IQANK1: variants seen among roughly 807,000 people sequenced by gnomAD.
IQANK1 encodes the protein IQ motif and ankyrin repeat containing 1, also known as IQ motif and ankyrin repeat domain-containing protein 1.
Under a neutral mutation model 22.6 loss-of-function variants are expected in IQANK1, and 30 were observed. The observed-to-expected ratio is 1.33, with a 90% CI of 0.99 to 1.80. IQANK1 has a LOEUF of 1.80. Ranked by LOEUF, IQANK1 falls within the 40% of genes most tolerant of loss-of-function variation. The pLI, the probability that IQANK1 is intolerant of heterozygous loss-of-function variation, is 0.00. For synonymous variants in IQANK1, 122 were observed against 99.6 expected, an observed-to-expected ratio of 1.23 and a Z score of -1.34; for missense variants, 275 against 235.2, an observed-to-expected ratio of 1.17 and a Z score of -1.11.
chr8:143,754,180 GA>G (rs1819245954), intron 3 of IQANK1, among the ~76,000 whole-genome samples: 1 of 152,234 alleles, frequency 6.6e-6, no homozygotes, highest in Admixed American at 6.5e-5. Flanking sequence ...ACTTCAGCCA[GA>G]GGGGGAGGGG....
intron 7 of IQANK1, among the ~76,000 whole-genome samples, chr8:143,785,898 TG>T (rs1406106307): frequency 1.3e-5 from 2 of 152,156 alleles, no homozygotes; most frequent in Non-Finnish European, 2.9e-5. Flanking sequence ...GGCTAATTTT[TG>T]TATTTTTAGT....
Position 143,790,131 on chromosome 8 carries a change from C to G in IQANK1, c.1290-6C>G. 1 of 1,232,032 alleles carries G rather than the reference C, an allele frequency of 8.1e-7. No individual in the cohort carries two copies. Among genetic ancestry groups the G allele is most frequent in the Non-Finnish European group, 1.0e-6 (1 of 987,974 alleles). 76.3% of individuals were successfully genotyped at this position (1,232,032 alleles called of 1,614,324 possible). A position where few individuals can be genotyped will look rare whatever the true frequency, so the allele number is the denominator to read the frequency against. On this transcript the variant is annotated splice_region_variant and splice_polypyrimidine_tract_variant and intron_variant, in intron 12 of 13. Transcript: ENST00000527139. Reference sequence around the variant, plus strand: ...CAGACAGCAGTGACCTGATGGGTGTCCCCAGGTGGCCTCTTGTTATTGACC... The same window carrying G: ...CAGACAGCAGTGACCTGATGGGTGTGCCCAGGTGGCCTCTTGTTATTGACC...
chr8:143,743,871 C>T, intron 3 of IQANK1: 2 of 426,706 alleles, frequency 4.7e-6, no homozygotes, highest in South Asian at 3.4e-5. Context: ...TGGAGTTTCG[C>T]TCTGTTGCCA....
Position 143,774,819 on chromosome 8 carries a change from A to G in IQANK1, c.789+2337A>G, listed in dbSNP as rs1554630164. 1.3e-5 allele frequency among the ~76,000 whole-genome samples: 2 copies of G among 152,226 alleles called. No individual in the cohort carries two copies. Among genetic ancestry groups the G allele is most frequent in the Non-Finnish European group, 1.5e-5 (1 of 68,046 alleles). On this transcript the variant is annotated intron_variant, in intron 7 of 13. Coordinates refer to ENST00000527139, the MANE Select transcript of IQANK1 (RefSeq NM_001381874.1). This position sits in a 1 kb window ranked among gnomAD's most constrained non-coding sequence, Gnocchi z 4.2. ...CCTGCCACGAAACACGCTTGGCAAT[A>G]AAACGGTGTGCACACATGATCCATG...
chr8:143,759,173 G>T, intron 3 of IQANK1: 1 of 268,578 alleles, frequency 3.7e-6, no homozygotes, highest in South Asian at 4.3e-5. Context: ...CAGGCAGCAA[G>T]AGACATGGCC....
intron 7 of IQANK1, among the ~76,000 whole-genome samples, chr8:143,777,884 C>T (rs1160852416): frequency 2.0e-5 from 3 of 152,110 alleles, no homozygotes; most frequent in African/African-American, 7.2e-5. Flanking sequence ...CATGGACATT[C>T]TAAACACCCC....
In IQANK1 at chr8:143,771,413, C is replaced by T. The variant is rs1587486874; in HGVS notation, c.176-75C>T. On this transcript the variant is annotated intron_variant, in intron 3 of 13. Coordinates refer to ENST00000527139, the MANE Select transcript of IQANK1 (RefSeq NM_001381874.1). This position sits in a 1 kb window ranked among gnomAD's most constrained non-coding sequence, Gnocchi z 6.0. ...GTCGGGGCGGGGGCGGGGGCGGGGCCGGCTCCACTCCCAGGGGCGCAGCAG... is the reference window on the plus strand; with the variant it reads ...GTCGGGGCGGGGGCGGGGGCGGGGCTGGCTCCACTCCCAGGGGCGCAGCAG... The T allele has an allele frequency of 7.4e-5, 29 of 393,404 alleles. No individual in the cohort carries two copies. In the East Asian group the frequency reaches 1.0e-3, roughly 14 times the overall value. 24.4% of individuals were successfully genotyped at this position (393,404 alleles called of 1,614,324 possible). A position where few individuals can be genotyped will look rare whatever the true frequency, so the allele number is the denominator to read the frequency against.
chr8:143,755,611 G>A (rs781906680), intron 3 of IQANK1, among the ~76,000 whole-genome samples: 13 of 152,004 alleles, frequency 8.6e-5, no homozygotes, highest in South Asian at 2.1e-4. Flanking sequence ...TGATCCTCCC[G>A]CCTTGGCCTC....
chr8:143,788,284 C>T (rs1388663024), intron 7 of IQANK1, among the ~76,000 whole-genome samples: 1 of 152,246 alleles, frequency 6.6e-6, no homozygotes, highest in Non-Finnish European at 1.5e-5. Context: ...GCTCTTCCTT[C>T]CTCCTCACTG....
intron 3 of IQANK1, among the ~76,000 whole-genome samples, chr8:143,748,684 CAT>C (rs1298229804): frequency 1.0e-4 from 9 of 86,072 alleles, no homozygotes; most frequent in South Asian, 8.4e-4. Flanking sequence ...AAATATATAT[CAT>C]ATATATCATA....
At chr8:143,742,236 G>T in intron 3 of IQANK1, 1 of 384,876 alleles carries the variant, frequency 2.6e-6, no homozygotes, top group South Asian at 1.8e-5. Flanking sequence ...ACTGGTGTCC[G>T]GAGTCAGTGA....
chr8:143,761,466 C>G (rs1819396668), intron 3 of IQANK1, among the ~76,000 whole-genome samples: 2 of 152,364 alleles, frequency 1.3e-5, no homozygotes, highest in African/African-American at 4.8e-5. Flanking sequence ...CAATTACATA[C>G]TGACAGCCAT....
rs1308066184 is a variant in IQANK1 at position 143,790,421 on chromosome 8, C to A, written c.1496C>A (p.Ala499Glu). 2.2e-5 allele frequency: 15 copies of A among 680,110 alleles called. No individual in the cohort carries two copies. Among genetic ancestry groups the A allele is most frequent in the Non-Finnish European group, 2.9e-5 (14 of 484,518 alleles). 42.1% of individuals were successfully genotyped at this position (680,110 alleles called of 1,614,324 possible). A position where few individuals can be genotyped will look rare whatever the true frequency, so the allele number is the denominator to read the frequency against. Residue 499 changes from alanine (A) to glutamate (E), a missense_variant, in exon 14 of 14, where the codon GCG becomes GAG. Coordinates refer to ENST00000527139, the MANE Select transcript of IQANK1 (RefSeq NM_001381874.1). The stretch of plus-strand genomic sequence containing the variant: ...CCAGTCGTGCAGCGGCAGCTGGAGG[C>A]GGTGCAGGAGAGGTACCTGTCGCTG... Reference protein sequence around the residue: ...LFPVVQRQLEAVQERYLSLLR... With the variant: ...LFPVVQRQLEEVQERYLSLLR...
At position 143,774,177 on chromosome 8, in the gene IQANK1, C is replaced by CAA. The variant is rs61709186; in HGVS notation, c.789+1709_789+1710dup. On this transcript the variant is annotated intron_variant, in intron 7 of 13. Transcript: ENST00000527139. This position sits in a 1 kb window ranked among gnomAD's most constrained non-coding sequence, Gnocchi z 4.2. The stretch of plus-strand genomic sequence containing the variant: ...TGGACATGACACAAAAAGCACAATC[C>CAA]AAAAAAAAAAAAAAACCACATTGAT... Among the ~76,000 whole-genome samples, 4 of 136,546 alleles carry CAA rather than the reference C, an allele frequency of 2.9e-5. No homozygotes were observed. Among genetic ancestry groups the CAA allele is most frequent in the Admixed American group, 7.1e-5 (1 of 14,064 alleles). 89.6% of individuals were successfully genotyped at this position (136,546 alleles called of 152,430 possible).
At position 143,742,309 on chromosome 8, in the gene IQANK1, G is replaced by T. The variant is rs35427453; in HGVS notation, c.175+2361G>T. The T allele has an allele frequency of 2.0e-4, 88 of 446,902 alleles. 1 individual carries two copies. Among genetic ancestry groups the T allele is most frequent in the South Asian group, 1.4e-3 (88 of 64,058 alleles). The allele number at this position is 446,902 out of a possible 1,614,324, so 27.7% of individuals were successfully genotyped here. A position where few individuals can be genotyped will look rare whatever the true frequency, so the allele number is the denominator to read the frequency against. On this transcript the variant is annotated intron_variant, in intron 3 of 13. Transcript: ENST00000527139. ...GTGGGTGATGAGGTGCCCCCCGGGG[G>T]CTTCCCTTGCTGCTGCCCGCCAGGA...
At chr8:143,746,635 G>C (rs1819038119) in intron 3 of IQANK1, among the ~76,000 whole-genome samples, 1 of 152,166 alleles carries the variant, frequency 6.6e-6, no homozygotes. Flanking sequence ...CTCCCACCTT[G>C]GTTTCCCAAA....
chr8:143,771,739 G>C lies in IQANK1; in HGVS notation c.307-62G>C. The C allele has an allele frequency of 2.5e-6, 1 of 396,716 alleles. No homozygotes were observed. Among genetic ancestry groups the C allele is most frequent in the Admixed American group, 4.4e-5 (1 of 22,650 alleles). The allele number at this position is 396,716 out of a possible 1,614,324, so 24.6% of individuals were successfully genotyped here. A position where few individuals can be genotyped will look rare whatever the true frequency, so the allele number is the denominator to read the frequency against. On this transcript the variant is annotated intron_variant, in intron 4 of 13. Transcript: ENST00000527139. This position sits in a 1 kb window ranked among gnomAD's most constrained non-coding sequence, Gnocchi z 6.0. ...GGCTCCGACCTCAGAGGCGTGGACC[G>C]TGGCCTCGGGGCTCGGGGCGGTGGC...
chr8:143,789,716 G>A (rs1554631935), intron 10 of IQANK1, 45 bp from the exon 11 acceptor site: 2 of 1,226,676 alleles, frequency 1.6e-6, no homozygotes, highest in African/African-American at 1.6e-5. Context: ...TCTCCAGCCA[G>A]AGCATGGGGC....
chr8:143,744,958 C>A (rs1473963701), intron 3 of IQANK1: 1 of 152,220 alleles, frequency 6.6e-6, no homozygotes, highest in Non-Finnish European at 1.5e-5. Flanking sequence ...AAAGTCCTGG[C>A]GTCAATGTCA....
Sources: gnomAD v4.1 joint callset for allele counts (sites outside exome capture counted in the v4.1 genomes callset) on GRCh38, gnomAD v4.1.1 for gene constraint, Gnocchi (gnomAD v3.1) non-coding constraint, MANE v1.5 for transcripts, NCBI Gene and HGNC (gene_info 2026-07-23, HGNC 2026-07-21) for gene names.